The following SLC25A10 variants were observed in gnomAD, a reference collection of about 807,000 sequenced individuals.
The protein encoded by SLC25A10 is solute carrier family 25 member 10, also known as mitochondrial dicarboxylate carrier.
A neutral mutation model predicts 40.4 loss-of-function variants in SLC25A10; 32 were observed. That is an observed-to-expected ratio of 0.79 (90% CI 0.60 to 1.06). The LOEUF (loss-of-function observed/expected upper bound fraction) is 1.06, where lower values mean the gene tolerates loss of function less well. Among genes scored for constraint, SLC25A10 ranks in the 50% least tolerant of loss-of-function variants. The pLI, the probability that SLC25A10 is intolerant of heterozygous loss-of-function variation, is 0.00. For synonymous variants in SLC25A10, 181 were observed against 171.1 expected (o/e 1.06, Z -0.45); for missense variants, 394 against 402.6 (o/e 0.98, Z 0.18).
At position 81,719,859 on chromosome 17, in the gene SLC25A10, C is replaced by G. The variant is rs372688903; in HGVS notation, c.734C>G (p.Ala245Gly). 1 of 1,613,688 alleles carries G rather than the reference C, an allele frequency of 6.2e-7. No individual in the cohort carries two copies. Among genetic ancestry groups the G allele is most frequent in the Non-Finnish European group, 8.5e-7 (1 of 1,179,980 alleles). ...QGVFHCAVET[A>G]KLGPLAFYKG... ...GTTTTCCACTGCGCCGTGGAGACAGCGAAGCTCGGGCCTCTGGCCTTTTAC... is the reference window on the plus strand; with the variant it reads ...GTTTTCCACTGCGCCGTGGAGACAGGGAAGCTCGGGCCTCTGGCCTTTTAC... The change falls in exon 10 of 11, where the codon GCG becomes GGG. Residue 245 changes from alanine (A) to glycine (G), a missense_variant. Physicochemically the swap from Ala to Gly is moderately conservative, Grantham distance 60 (BLOSUM62 0). Coordinates refer to ENST00000350690, the MANE Select transcript of SLC25A10 (RefSeq NM_012140.5).
chr17:81,715,370 G>T, intron 2 of SLC25A10, 108 bp from the exon 3 acceptor site: 1 of 1,000,576 alleles, frequency 1.0e-6, no homozygotes, highest in South Asian at 1.5e-5. Flanking sequence ...AGGCCCCTCA[G>T]GGTCCCTGTG....
intron 7 of SLC25A10, 36 bp downstream of exon 7, chr17:81,717,108 C>T (rs1470896293): frequency 3.1e-6 from 5 of 1,592,452 alleles, no homozygotes; most frequent in Middle Eastern, 1.6e-4. Flanking sequence ...TGGGCAGTGC[C>T]TGTGACCACT....
At chr17:81,714,698 G>C (rs1054307226) in intron 1 of SLC25A10, among the ~76,000 whole-genome samples, 1 of 152,206 alleles carries the variant, frequency 6.6e-6, no homozygotes, top group Non-Finnish European at 1.5e-5. Flanking sequence ...GAGCCCCTGC[G>C]GCCAGTGCAG....
At chr17:81,717,516 G>A (rs376058109) in intron 8 of SLC25A10, 25 bp downstream of exon 8, 7 of 1,611,352 alleles carry the variant, frequency 4.3e-6, no homozygotes, top group Non-Finnish European at 5.9e-6. Context: ...TGGCTAGGGT[G>A]GGCGTCCCTG....
chr17:81,717,192 AC>A, intron 7 of SLC25A10, 120 bp downstream of exon 7: 1 of 1,188,576 alleles, frequency 8.4e-7, no homozygotes. Context: ...ACCAGCTGTG[AC>A]CTTGTGGGGC....
rs1194720977 is a variant in SLC25A10, at chr17:81,713,962, C to T, written c.94-991C>T. Among the ~76,000 whole-genome samples the T allele has an allele frequency of 3.3e-5, 5 of 152,220 alleles. No homozygotes were observed. In the East Asian group the frequency reaches 7.7e-4, roughly 23 times the overall value. ...TCACCAGGCCTCTCTGCCTGGCCGT[C>T]GGAAAGATCTTTTAAAGCTTCTTGA... On this transcript the variant is annotated intron_variant, in intron 1 of 10. Coordinates refer to ENST00000350690, the MANE Select transcript of SLC25A10 (RefSeq NM_012140.5).
chr17:81,718,524 G>A lies in SLC25A10; in HGVS notation c.705+663G>A, dbSNP rs1198355626. Reference sequence around the variant, plus strand: ...AACAAAATTGGTCAGGCTTGGTGGTGCATGCCTGTAGTTCCAGCTACACAG... The same window carrying A: ...AACAAAATTGGTCAGGCTTGGTGGTACATGCCTGTAGTTCCAGCTACACAG... On this transcript the variant is annotated intron_variant, in intron 9 of 10. Transcript: ENST00000350690. Among the ~76,000 whole-genome samples, 3 of 152,154 alleles carry A rather than the reference G, an allele frequency of 2.0e-5. 1 individual carries two copies. The highest frequency in any genetic ancestry group is 4.8e-5 in the African/African-American group (2 of 41,448).
rs1022095116 is a variant in SLC25A10 at position 81,712,329 on chromosome 17, G to T, written c.-98G>T. ...GGGCGCGCGGGCGGCGCTTTGAACC[G>T]GGCGCGGGGCGCGGGGCGCGGGGCG... On this transcript the variant is annotated 5_prime_UTR_variant, in exon 1 of 11. Transcript: ENST00000350690. 1.2e-6 allele frequency: 1 copy of T among 811,924 alleles called. No individual in the cohort carries two copies. The highest frequency in any genetic ancestry group is 2.0e-5 in the African/African-American group (1 of 50,096). 50.3% of individuals were successfully genotyped at this position (811,924 alleles called of 1,614,324 possible). A position where few individuals can be genotyped will look rare whatever the true frequency, so the allele number is the denominator to read the frequency against.
rs377542569 is a variant in SLC25A10, at chr17:81,715,635, G to A, written c.328+43G>A. ...AGGGGGAGGGGCGCGGGGTGGTCAG[G>A]TCGGCCGAGGACGCCGTGTGTCAGC... On this transcript the variant is annotated intron_variant, in intron 3 of 10. Coordinates refer to ENST00000350690, the MANE Select transcript of SLC25A10 (RefSeq NM_012140.5). 641 of 1,612,558 alleles carry A rather than the reference G, an allele frequency of 4.0e-4. 2 individuals carry two copies. Among genetic ancestry groups the A allele is most frequent in the South Asian group, 2.4e-3 (218 of 91,072 alleles).
At chr17:81,719,479 C>T (rs1365536134) in intron 9 of SLC25A10, among the ~76,000 whole-genome samples, 1 of 152,230 alleles carries the variant, frequency 6.6e-6, no homozygotes, top group Non-Finnish European at 1.5e-5. Context: ...GGGGCTTCCA[C>T]GTTTGCAGAG....
rs530974203 is a variant in SLC25A10, at chr17:81,715,991, C to T, written c.378-18C>T. On this transcript the variant is annotated intron_variant, in intron 4 of 10. Coordinates refer to ENST00000350690, the MANE Select transcript of SLC25A10 (RefSeq NM_012140.5). ...CCCTCGGCCCGCCCGCCCCTCCCGC[C>T]ACCTGCTTCTGTTTCAGGATGCAGA... 2.5e-6 allele frequency: 4 copies of T among 1,574,490 alleles called. No individual in the cohort carries two copies. The highest frequency in any genetic ancestry group is 2.7e-5 in the African/African-American group (2 of 74,146).
At chr17:81,717,279 C>A in intron 7 of SLC25A10, 120 bp from the exon 8 acceptor site, 2 of 1,119,086 alleles carry the variant, frequency 1.8e-6, no homozygotes, top group Non-Finnish European at 1.3e-6. Context: ...GTCTGGGCCT[C>A]ACGGACGGAC....
intron 1 of SLC25A10, chr17:81,713,164 G>A (rs2037415586): frequency 6.6e-6 from 1 of 152,116 alleles, no homozygotes; most frequent in Non-Finnish European, 1.5e-5. Flanking sequence ...ATGAAAGCGG[G>A]CGTTTCTCAG....
In SLC25A10 at chr17:81,720,109, A is replaced by G; in HGVS notation, c.*32A>G. Reference sequence around the variant, plus strand: ...GTGGGAATGGCTGGGCTGCCAGGCCAGACACGCTAGGTTCTTCCAAAGAGT... The same window carrying G: ...GTGGGAATGGCTGGGCTGCCAGGCCGGACACGCTAGGTTCTTCCAAAGAGT... On this transcript the variant is annotated 3_prime_UTR_variant, in exon 11 of 11. Coordinates refer to ENST00000350690, the MANE Select transcript of SLC25A10 (RefSeq NM_012140.5). 2 of 1,610,190 alleles carry G rather than the reference A, an allele frequency of 1.2e-6. No individual in the cohort carries two copies. Among genetic ancestry groups the G allele is most frequent in the Non-Finnish European group, 1.7e-6 (2 of 1,179,864 alleles).
chr17:81,717,958 G>A (rs1325123714), intron 9 of SLC25A10, 97 bp downstream of exon 9: 1 of 893,908 alleles, frequency 1.1e-6, no homozygotes, highest in Non-Finnish European at 1.8e-6. Context: ...CCCGGGGAAG[G>A]GTGTCCCTCC....
In SLC25A10 at chr17:81,716,928, G is replaced by A. The variant is rs889990639; in HGVS notation, c.463+73G>A. The A allele has an allele frequency of 1.2e-5, 19 of 1,606,022 alleles. No homozygotes were observed. The Admixed American group carries it at 2.0e-4, about 17-fold the overall frequency. On this transcript the variant is annotated intron_variant, in intron 6 of 10. Transcript: ENST00000350690. ...GGTGGGCAGCGCTGTAGAAGACTGG[G>A]CGCTGAGGGATTTGGGCCAGGTGCC...
chr17:81,716,036 G>T lies in SLC25A10; in HGVS notation c.405G>T (p.Gln135His). The T allele has an allele frequency of 6.3e-7, 1 of 1,598,222 alleles. No individual in the cohort carries two copies. The highest frequency in any genetic ancestry group is 1.3e-5 in the African/African-American group (1 of 74,684). ...VRMQNDVKLPQGQRRNYAHAL... is the reference protein window; with the variant it reads ...VRMQNDVKLPHGQRRNYAHAL... ...TGCAGAACGACGTGAAGCTGCCCCAGGGTCAGCGGCGCAAGTGAGTCATGG... is the reference window on the plus strand; with the variant it reads ...TGCAGAACGACGTGAAGCTGCCCCATGGTCAGCGGCGCAAGTGAGTCATGG... Residue 135 changes from glutamine (Q) to histidine (H), a missense_variant, in exon 5 of 11, where the codon CAG becomes CAT. Gln to His is a conservative substitution (Grantham distance 24). Coordinates refer to ENST00000350690, the MANE Select transcript of SLC25A10 (RefSeq NM_012140.5).
At chr17:81,713,425 C>T (rs1358358419) in intron 1 of SLC25A10, 2 of 985,086 alleles carry the variant, frequency 2.0e-6, no homozygotes, top group Non-Finnish European at 1.2e-6. Context: ...AGCAGCCTGT[C>T]CAGGGGACTT....
rs770783675 is a variant in SLC25A10, at chr17:81,716,715, C to G, written c.420-97C>G. ...TTCAGGCCCATGAGGCCTCTGCTTC[C>G]TCGAGAACCCCCGGCCTGCCTCGGG... On this transcript the variant is annotated intron_variant, in intron 5 of 10. Transcript: ENST00000350690. 2.3e-6 allele frequency: 3 copies of G among 1,316,416 alleles called. No homozygotes were observed. In the African/African-American group the frequency reaches 4.4e-5, roughly 19 times the overall value. 81.5% of individuals were successfully genotyped at this position (1,316,416 alleles called of 1,614,324 possible). A position where few individuals can be genotyped will look rare whatever the true frequency, so the allele number is the denominator to read the frequency against.
Sources: allele counts gnomAD v4.1 joint callset (sites outside exome capture counted in the v4.1 genomes callset), GRCh38; gene constraint gnomAD v4.1.1; transcripts MANE v1.5; gene names NCBI Gene and HGNC (gene_info 2026-07-23, HGNC 2026-07-21).